MAPKAP1: variants seen among roughly 807,000 people sequenced by gnomAD.
MAPKAP1 encodes the protein MAPK associated protein 1.
A neutral mutation model predicts 65.7 loss-of-function variants in MAPKAP1; 20 were observed. The observed-to-expected ratio is 0.30, with a 90% confidence interval of 0.21 to 0.44. The LOEUF is 0.44. MAPKAP1 is among the 20% of genes least tolerant of loss of function. The pLI is 1.00. For missense variants in MAPKAP1, 423 were observed against 648.0 expected, an observed-to-expected ratio of 0.65 and a Z score of 3.77; for synonymous variants, 222 against 244.3, an observed-to-expected ratio of 0.91 and a Z score of 0.85.
At chr9:125,496,085 C>G (rs561995123) in intron 8 of MAPKAP1, among the ~76,000 whole-genome samples, 1 of 152,120 alleles carries the variant, frequency 6.6e-6, no homozygotes, top group African/African-American at 2.4e-5. Flanking sequence ...GTAGGGAATA[C>G]CATCACATTT....
intron 6 of MAPKAP1, among the ~76,000 whole-genome samples, chr9:125,548,910 T>C (rs1830505027): frequency 1.3e-5 from 2 of 152,192 alleles, no homozygotes; most frequent in Non-Finnish European, 2.9e-5. Context: ...TGGAGTTATA[T>C]AATAAGTTAA....
chr9:125,561,937 A>G (rs1830905820), intron 5 of MAPKAP1, among the ~76,000 whole-genome samples: 2 of 152,194 alleles, frequency 1.3e-5, no homozygotes, highest in South Asian at 4.1e-4. Flanking sequence ...TTCTATGTAC[A>G]CACAACTGTA....
intron 1 of MAPKAP1, among the ~76,000 whole-genome samples, chr9:125,693,442 T>TACAC (rs1321301850): frequency 1.2e-3 from 169 of 141,416 alleles, no homozygotes; most frequent in African/African-American, 3.3e-3. Flanking sequence ...TATATATATA[T>TACAC]ACACACACAC....
chr9:125,607,960 C>G (rs1832488352), intron 4 of MAPKAP1, among the ~76,000 whole-genome samples: 2 of 152,172 alleles, frequency 1.3e-5, no homozygotes, highest in South Asian at 4.1e-4. Flanking sequence ...AAAGAGCAAA[C>G]AAGTTACAAA....
chr9:125,594,989 C>T (rs1832084142), intron 4 of MAPKAP1, among the ~76,000 whole-genome samples: 1 of 152,206 alleles, frequency 6.6e-6, no homozygotes, highest in South Asian at 2.1e-4. Context: ...GTTACTTACA[C>T]ATACTGATGG....
intron 6 of MAPKAP1, among the ~76,000 whole-genome samples, chr9:125,556,614 T>G (rs777011130): frequency 6.6e-6 from 1 of 152,198 alleles, no homozygotes; most frequent in Non-Finnish European, 1.5e-5. Context: ...TTCAGCTTAG[T>G]GTCTTCCCAG....
chr9:125,510,079 T>C (rs1829255479), intron 7 of MAPKAP1, among the ~76,000 whole-genome samples: 1 of 152,182 alleles, frequency 6.6e-6, no homozygotes, highest in Non-Finnish European at 1.5e-5. Flanking sequence ...CCTTACCTTA[T>C]TGAATCCTCA....
At chr9:125,583,751 C>T (rs1431495499) in intron 5 of MAPKAP1, among the ~76,000 whole-genome samples, 1 of 152,168 alleles carries the variant, frequency 6.6e-6, no homozygotes, top group Non-Finnish European at 1.5e-5. Context: ...CAGTGCCTGC[C>T]CTAAGTAATG....
In MAPKAP1 at chr9:125,702,086, C is replaced by T. The variant is rs1835615454; in HGVS notation, c.-70+4885G>A. Among the ~76,000 whole-genome samples the T allele has an allele frequency of 2.0e-5, 3 of 152,198 alleles. No homozygotes were observed. The South Asian group carries it at 6.2e-4, about 32-fold the overall frequency. ...TTTTGATCAACATAATTTTTAATGG[C>T]AAATTTTTAAACTAAATACATTAAA... is the stretch of plus-strand genomic sequence containing the variant. On this transcript the variant is annotated intron_variant, in intron 1 of 11. Coordinates refer to ENST00000265960, the MANE Select transcript of MAPKAP1 (RefSeq NM_001006617.3).
chr9:125,563,719 ATTATTATTATTT>A (rs1342379959), intron 5 of MAPKAP1, among the ~76,000 whole-genome samples: 17 of 151,318 alleles, frequency 1.1e-4, no homozygotes, highest in Admixed American at 1.3e-4. Flanking sequence ...TATTATTATT[ATTATTATTATTT>A]TTGAGATGGA....
intron 9 of MAPKAP1, among the ~76,000 whole-genome samples, chr9:125,481,326 T>C (rs77710470): frequency 0.016 from 2,423 of 152,130 alleles, 20 homozygotes; most frequent in South Asian, 0.042. Flanking sequence ...GGCAGCGCTT[T>C]TCACACTGGG....
chr9:125,603,076 TTC>T (rs1832348244), intron 4 of MAPKAP1, among the ~76,000 whole-genome samples: 1 of 148,750 alleles, frequency 6.7e-6, no homozygotes, highest in African/African-American at 2.5e-5. Flanking sequence ...CTTTCTTTCT[TTC>T]TTTTTTTTTT....
In MAPKAP1 at chr9:125,502,784, G is replaced by A. The variant is rs1337521362; in HGVS notation, c.1066+3526C>T. Among the ~76,000 whole-genome samples, 3 of 152,098 alleles carry A rather than the reference G, an allele frequency of 2.0e-5. No individual in the cohort carries two copies. The East Asian group carries it at 5.8e-4, about 29-fold the overall frequency. On this transcript the variant is annotated intron_variant, in intron 8 of 11. Transcript: ENST00000265960. Reference sequence around the variant, plus strand: ...TGTAGGGTAAAATATTCTCTGTACCGCCTGTCCATGAGGTTAAGTTTAACT... The same window carrying A: ...TGTAGGGTAAAATATTCTCTGTACCACCTGTCCATGAGGTTAAGTTTAACT...
At chr9:125,606,598 C>T (rs1308127134) in intron 4 of MAPKAP1, among the ~76,000 whole-genome samples, 2 of 152,142 alleles carry the variant, frequency 1.3e-5, no homozygotes, top group African/African-American at 4.8e-5. Flanking sequence ...AATATTATGG[C>T]CATGAGAAAC....
At chr9:125,703,707 G>A (rs2131887444) in intron 1 of MAPKAP1, among the ~76,000 whole-genome samples, 1 of 151,426 alleles carries the variant, frequency 6.6e-6, no homozygotes, top group South Asian at 2.1e-4. Context: ...AGGAGGCAGA[G>A]GTTGCAGTCA....
intron 1 of MAPKAP1, among the ~76,000 whole-genome samples, chr9:125,687,567 G>A (rs1298238285): frequency 2.0e-5 from 3 of 151,814 alleles, no homozygotes; most frequent in Admixed American, 2.0e-4. Context: ...ACTTAAGGCG[G>A]GGAGTTTGAG....
chr9:125,608,474 A>G (rs1391121247), intron 4 of MAPKAP1, among the ~76,000 whole-genome samples: 2 of 152,212 alleles, frequency 1.3e-5, no homozygotes, highest in African/African-American at 4.8e-5. Flanking sequence ...CCAAAATTCT[A>G]AAAGCCATCA....
At position 125,438,770 on chromosome 9, in the gene MAPKAP1, A is replaced by G; in HGVS notation, c.*117T>C. ...CCCGAGAGCCCACCTGCCCTGTGCC[A>G]GTGAGCCAGGGGCTGGCCTCCCCCC... On this transcript the variant is annotated 3_prime_UTR_variant, in exon 12 of 12. Transcript: ENST00000265960. 7.1e-7 allele frequency: 1 copy of G among 1,404,902 alleles called. No homozygotes were observed. Among genetic ancestry groups the G allele is most frequent in the Non-Finnish European group, 9.8e-7 (1 of 1,022,940 alleles). 87.0% of individuals were successfully genotyped at this position (1,404,902 alleles called of 1,614,324 possible).
chr9:125,530,105 G>A (rs568622840), intron 7 of MAPKAP1, among the ~76,000 whole-genome samples: 40 of 152,310 alleles, frequency 2.6e-4, no homozygotes, highest in Admixed American at 2.2e-3. Flanking sequence ...GAGTTGGGTG[G>A]TTCAGGCCCT....
Sources: gnomAD v4.1 joint callset for allele counts (sites outside exome capture counted in the v4.1 genomes callset) on GRCh38, gnomAD v4.1.1 for gene constraint, MANE v1.5 for transcripts, NCBI Gene and HGNC (gene_info 2026-07-23, HGNC 2026-07-21) for gene names.